QTMAN: variants seen among roughly 807,000 people sequenced by gnomAD.
QTMAN encodes queuosine-tRNA mannosyltransferase.
the QTMAN span, among the ~76,000 whole-genome samples, chr2:144,042,310 G>A: frequency 1.2e-3 from 181 of 152,220 alleles, no homozygotes; most frequent in African/African-American, 4.1e-3. Flanking sequence ...GGGGCTAAAA[G>A]TTATTCCATT....
chr2:144,150,022 G>A, the QTMAN span, among the ~76,000 whole-genome samples: 8,221 of 151,972 alleles, frequency 0.054, 370 homozygotes, highest in African/African-American at 0.12. Flanking sequence ...ATACATTTTA[G>A]TAATGATTCT....
chr2:144,056,106 C>T, the QTMAN span, among the ~76,000 whole-genome samples: 1 of 152,112 alleles, frequency 6.6e-6, no homozygotes, highest in Non-Finnish European at 1.5e-5. Flanking sequence ...CTATATTTTA[C>T]TATATATAGG....
the QTMAN span, among the ~76,000 whole-genome samples, chr2:144,219,586 C>G: frequency 7.9e-5 from 12 of 152,066 alleles, no homozygotes; most frequent in African/African-American, 2.9e-4. Flanking sequence ...TTTGGGAGGC[C>G]AAGGTAGGCG....
the QTMAN span, among the ~76,000 whole-genome samples, chr2:144,221,158 C>T: frequency 6.6e-6 from 1 of 152,156 alleles, no homozygotes; most frequent in Admixed American, 6.5e-5. Flanking sequence ...GCTACCCAAT[C>T]GACTAATACA....
At chr2:143,961,061 CTGGAA>C in the QTMAN span, among the ~76,000 whole-genome samples, 1 of 152,124 alleles carries the variant, frequency 6.6e-6, no homozygotes, top group African/African-American at 2.4e-5. Context: ...AATGGCAGAG[CTGGAA>C]CTAGACCCTG....
At chr2:144,114,899 A>T in the QTMAN span, among the ~76,000 whole-genome samples, 1 of 152,218 alleles carries the variant, frequency 6.6e-6, no homozygotes, top group Non-Finnish European at 1.5e-5. Flanking sequence ...ATGTTAAGGC[A>T]GAATCAATCA....
chr2:144,101,010 C>CA, the QTMAN span, among the ~76,000 whole-genome samples: 1 of 152,006 alleles, frequency 6.6e-6, no homozygotes, highest in East Asian at 1.9e-4. Flanking sequence ...GCTGGGACTA[C>CA]AGGCACCTGC....
the QTMAN span, among the ~76,000 whole-genome samples, chr2:144,189,047 C>T: frequency 1.6e-4 from 24 of 152,270 alleles, no homozygotes; most frequent in African/African-American, 5.3e-4. Context: ...TAAAATGAAA[C>T]AGATAATACT....
chr2:144,029,638 T>TA, the QTMAN span, among the ~76,000 whole-genome samples: 2 of 151,978 alleles, frequency 1.3e-5, no homozygotes, highest in East Asian at 1.9e-4. Flanking sequence ...GAACCAGCTT[T>TA]AAAAAAACAT....
At chr2:143,970,828 A>G in the QTMAN span, 2 of 875,180 alleles carry the variant, frequency 2.3e-6, no homozygotes, top group Non-Finnish European at 3.9e-6. Context: ...AAGTGGTTTC[A>G]CTTCCTACAG....
chr2:144,124,162 C>A, the QTMAN span, among the ~76,000 whole-genome samples: 52 of 152,156 alleles, frequency 3.4e-4, no homozygotes, highest in African/African-American at 1.2e-3. Flanking sequence ...ATGCTTTAAA[C>A]CCCCAGAATG....
chr2:144,140,550 G>A, the QTMAN span, among the ~76,000 whole-genome samples: 2 of 151,888 alleles, frequency 1.3e-5, no homozygotes, highest in Admixed American at 1.3e-4. Flanking sequence ...TCACACATAA[G>A]AAAACTATGT....
the QTMAN span, among the ~76,000 whole-genome samples, chr2:144,039,282 T>TCC: frequency 1.3e-5 from 2 of 152,008 alleles, no homozygotes; most frequent in Non-Finnish European, 2.9e-5. Context: ...GTGATGCGTC[T>TCC]CCCCCTCCCC....
chr2:144,190,997 G>C, the QTMAN span, among the ~76,000 whole-genome samples: 1 of 152,132 alleles, frequency 6.6e-6, no homozygotes, highest in African/African-American at 2.4e-5. Context: ...TTTTAACACT[G>C]CATAGAAAGT....
the QTMAN span, among the ~76,000 whole-genome samples, chr2:144,248,895 C>T: frequency 2.6e-5 from 4 of 152,116 alleles, no homozygotes; most frequent in African/African-American, 9.7e-5. Context: ...AACATTTTGT[C>T]CTTTGTCTGA....
At chr2:144,095,047 C>A in the QTMAN span, among the ~76,000 whole-genome samples, 1 of 152,154 alleles carries the variant, frequency 6.6e-6, no homozygotes, top group Admixed American at 6.5e-5. Flanking sequence ...ACACTACCTT[C>A]CATACTCCCA....
the QTMAN span, among the ~76,000 whole-genome samples, chr2:143,986,381 A>T: frequency 6.6e-6 from 1 of 152,252 alleles, no homozygotes; most frequent in African/African-American, 2.4e-5. Context: ...AGATATTGGA[A>T]TACGTTCATA....
At chr2:144,045,283 A>G in the QTMAN span, among the ~76,000 whole-genome samples, 34 of 152,378 alleles carry the variant, frequency 2.2e-4, no homozygotes, top group Non-Finnish European at 3.8e-4. Flanking sequence ...GAATGTCTAC[A>G]TCGGAAGTGT....
At chr2:144,318,131 G>T in the QTMAN span, among the ~76,000 whole-genome samples, 2 of 150,634 alleles carry the variant, frequency 1.3e-5, no homozygotes, top group Non-Finnish European at 3.0e-5. Context: ...TAAAAACCAC[G>T]TATTTCTTAT....
Sources: gnomAD v4.1 joint callset for allele counts (sites outside exome capture counted in the v4.1 genomes callset) on GRCh38, gnomAD v4.1.1 for gene constraint, MANE v1.5 for transcripts, NCBI Gene and HGNC (gene_info 2026-07-23, HGNC 2026-07-21) for gene names.